The following ABCB11 variants were observed in gnomAD, a reference collection of about 807,000 sequenced individuals.
ABCB11 encodes the protein bile salt export pump.
Under a neutral mutation model 148.0 loss-of-function variants are expected in ABCB11, and 95 were observed. The observed-to-expected ratio is 0.64, with a 90% CI of 0.54 to 0.76. The LOEUF (loss-of-function observed/expected upper bound fraction) is 0.76, where lower values mean the gene tolerates loss of function less well. ABCB11 is among the 30% of genes least tolerant of loss of function. ABCB11 has a pLI of 0.00. For synonymous variants in ABCB11, 591 were observed against 555.4 expected (o/e 1.06, Z -0.90); for missense variants, 1,523 against 1,617.8 (o/e 0.94, Z 1.01).
intron 1 of ABCB11, among the ~76,000 whole-genome samples, chr2:169,028,459 A>T (rs1695765840): frequency 6.6e-6 from 1 of 152,038 alleles, no homozygotes; most frequent in African/African-American, 2.4e-5. Flanking sequence ...CCATGGGAAG[A>T]GGAGAGGGAA....
intron 1 of ABCB11, among the ~76,000 whole-genome samples, chr2:169,023,989 A>G (rs1695615573): frequency 6.6e-6 from 1 of 152,184 alleles, no homozygotes; most frequent in South Asian, 2.1e-4. Flanking sequence ...AAAATATTTC[A>G]TGATATGGAT....
intron 12 of ABCB11, among the ~76,000 whole-genome samples, chr2:168,976,365 A>T (rs1045196779): frequency 1.6e-4 from 25 of 152,096 alleles, no homozygotes; most frequent in African/African-American, 5.3e-4. Flanking sequence ...CTGTGTCCCA[A>T]CCAGGGGATT....
At chr2:169,026,782 C>A (rs1695709923) in intron 1 of ABCB11, among the ~76,000 whole-genome samples, 1 of 152,128 alleles carries the variant, frequency 6.6e-6, no homozygotes. Flanking sequence ...CCTGGAAATG[C>A]AGTGGGAATC....
intron 21 of ABCB11, among the ~76,000 whole-genome samples, chr2:168,943,215 T>G (rs2105909872): frequency 1.3e-5 from 2 of 152,096 alleles, no homozygotes; most frequent in African/African-American, 4.8e-5. Context: ...TTATTTAGCC[T>G]AAATTCAAGA....
At chr2:169,002,764 TAC>T (rs1409868003) in intron 5 of ABCB11, among the ~76,000 whole-genome samples, 1 of 152,060 alleles carries the variant, frequency 6.6e-6, no homozygotes, top group African/African-American at 2.4e-5. Flanking sequence ...AAATGGTAGT[TAC>T]TAAGGGCTAG....
At position 168,986,102 on chromosome 2, in the gene ABCB11, C is replaced by T. The variant is rs768606858; in HGVS notation, c.1083+8G>A. ...AATGCTATGTCTCGGTCAATAAGTC[C>T]AAGGTACCTGGACAAGGGTTCCTGG... On this transcript the variant is annotated splice_region_variant and intron_variant, in intron 10 of 27. Transcript: ENST00000650372. 2 of 1,585,974 alleles carry T rather than the reference C, an allele frequency of 1.3e-6. No individual in the cohort carries two copies. Among genetic ancestry groups the T allele is most frequent in the Non-Finnish European group, 1.7e-6 (2 of 1,165,332 alleles).
intron 18 of ABCB11, among the ~76,000 whole-genome samples, chr2:168,961,758 G>C (rs1574436291): frequency 6.6e-6 from 1 of 151,750 alleles, no homozygotes; most frequent in South Asian, 2.1e-4. Flanking sequence ...TGAGACCTTG[G>C]GTGAAAGCAC....
In ABCB11 at chr2:169,019,237, T is replaced by C. The variant is rs1695466072; in HGVS notation, c.-27-1085A>G. Among the ~76,000 whole-genome samples, 4 of 152,028 alleles carry C rather than the reference T, an allele frequency of 2.6e-5. 1 individual carries two copies. Among genetic ancestry groups the C allele is most frequent in the Admixed American group, 2.6e-4 (4 of 15,252 alleles). On this transcript the variant is annotated intron_variant, in intron 1 of 27. Coordinates refer to ENST00000650372, the MANE Select transcript of ABCB11 (RefSeq NM_003742.4). Reference sequence around the variant, plus strand: ...CAAATAAAAGAGAGAAAGGGGGAGTTATGAAAATCTTCTAAATTCACCTAA... The same window carrying C: ...CAAATAAAAGAGAGAAAGGGGGAGTCATGAAAATCTTCTAAATTCACCTAA...
chr2:168,951,746 C>A (rs1300800355), intron 19 of ABCB11, among the ~76,000 whole-genome samples: 1 of 151,254 alleles, frequency 6.6e-6, no homozygotes, highest in Non-Finnish European at 1.5e-5. Context: ...TATTTTTTTT[C>A]TCTTGCCTGA....
intron 21 of ABCB11, among the ~76,000 whole-genome samples, chr2:168,939,966 A>G (rs1367910941): frequency 6.6e-6 from 1 of 152,082 alleles, no homozygotes; most frequent in Non-Finnish European, 1.5e-5. Context: ...ACGCCAATAT[A>G]AGACTGAAAA....
chr2:168,980,500 T>A (rs1464648003), intron 10 of ABCB11, among the ~76,000 whole-genome samples: 5 of 152,196 alleles, frequency 3.3e-5, no homozygotes. Context: ...CTACTATGAA[T>A]AACAGTAATA....
At chr2:168,973,474 T>C (rs1693683321) in intron 13 of ABCB11, among the ~76,000 whole-genome samples, 1 of 152,040 alleles carries the variant, frequency 6.6e-6, no homozygotes. Context: ...AATGTTGCTA[T>C]GCCACATCTG....
chr2:168,947,943 T>G (rs1328875141), intron 19 of ABCB11, among the ~76,000 whole-genome samples: 1 of 144,354 alleles, frequency 6.9e-6, no homozygotes, highest in Non-Finnish European at 1.5e-5. Flanking sequence ...TTGAATCTCT[T>G]TTTTTTTTTA....
intron 4 of ABCB11, 102 bp from the exon 5 acceptor site, chr2:169,013,612 A>G: frequency 1.2e-6 from 1 of 865,124 alleles, no homozygotes; most frequent in East Asian, 2.6e-5. Context: ...AGTACTCAAC[A>G]CCAAATTTCA....
intron 19 of ABCB11, among the ~76,000 whole-genome samples, chr2:168,947,235 T>C (rs1189438334): frequency 2.6e-5 from 4 of 151,828 alleles, no homozygotes; most frequent in Non-Finnish European, 5.9e-5. Context: ...TAGATTTTCT[T>C]GCTCCTTATA....
intron 1 of ABCB11, among the ~76,000 whole-genome samples, chr2:169,029,693 T>C (rs1227916938): frequency 6.6e-6 from 1 of 151,640 alleles, no homozygotes; most frequent in East Asian, 1.9e-4. Context: ...GCCACAGCGA[T>C]TCTTTGTCTC....
chr2:168,975,044 G>T (rs1339201222), intron 12 of ABCB11, among the ~76,000 whole-genome samples: 1 of 142,502 alleles, frequency 7.0e-6, no homozygotes, highest in Non-Finnish European at 1.5e-5. Flanking sequence ...ATGTAGGTAT[G>T]TATATATAGA....
chr2:169,005,740 GT>G (rs757231273), intron 5 of ABCB11, among the ~76,000 whole-genome samples: 3 of 152,134 alleles, frequency 2.0e-5, no homozygotes, highest in Non-Finnish European at 4.4e-5. Context: ...GTGTGAGGTA[GT>G]AAATATGTTA....
intron 1 of ABCB11, among the ~76,000 whole-genome samples, chr2:169,024,693 C>G (rs575745434): frequency 6.6e-6 from 1 of 152,024 alleles, no homozygotes; most frequent in South Asian, 2.1e-4. Flanking sequence ...TCTAGGATAC[C>G]AAGTTTATAA....
Sources: allele counts gnomAD v4.1 joint callset (sites outside exome capture counted in the v4.1 genomes callset), GRCh38; gene constraint gnomAD v4.1.1; transcripts MANE v1.5; gene names NCBI Gene and HGNC (gene_info 2026-07-23, HGNC 2026-07-21).